The following PPARGC1A variants were observed in gnomAD, a reference collection of about 807,000 sequenced individuals.
PPARGC1A encodes the protein PPARG coactivator 1 alpha, also known as peroxisome proliferator-activated receptor gamma coactivator 1-alpha.
Under a neutral mutation model 88.7 loss-of-function variants are expected in PPARGC1A, and 25 were observed. The ratio of observed to expected loss-of-function variants is 0.28; its 90% CI spans 0.21 to 0.39. PPARGC1A has a LOEUF of 0.39. Ranked by LOEUF, PPARGC1A falls within the 10% of genes least tolerant of loss-of-function variation. The pLI, the probability that PPARGC1A is intolerant of heterozygous loss-of-function variation, is 1.00. For synonymous variants in PPARGC1A, 363 were observed against 355.6 expected (o/e 1.02, Z -0.24); for missense variants, 880 against 968.7 (o/e 0.91, Z 1.22).
chr4:24,041,132 A>C, the PPARGC1A span, among the ~76,000 whole-genome samples: 20 of 152,228 alleles, frequency 1.3e-4, no homozygotes. Flanking sequence ...TCTATGCTTC[A>C]CCCTTCTCTA....
intron 8 of PPARGC1A, 109 bp from the exon 9 acceptor site, chr4:23,813,234 T>G: frequency 1.1e-6 from 1 of 909,498 alleles, no homozygotes; most frequent in Non-Finnish European, 1.8e-6. Context: ...GACTGGCTTT[T>G]TCTTCCCAGC....
chr4:24,123,180 C>T, the PPARGC1A span, among the ~76,000 whole-genome samples: 1 of 152,210 alleles, frequency 6.6e-6, no homozygotes, highest in Non-Finnish European at 1.5e-5. Context: ...ATCACTGCAG[C>T]TATCCCTGAA....
chr4:24,039,693 C>A, the PPARGC1A span, among the ~76,000 whole-genome samples: 8 of 152,144 alleles, frequency 5.3e-5, no homozygotes, highest in Non-Finnish European at 8.8e-5. Flanking sequence ...AACCTCATTT[C>A]TTCCTCTATT....
At chr4:23,843,533 G>A (rs1727444866) in intron 2 of PPARGC1A, among the ~76,000 whole-genome samples, 1 of 151,928 alleles carries the variant, frequency 6.6e-6, no homozygotes, top group Non-Finnish European at 1.5e-5. Context: ...TCATTTTCAT[G>A]CACTAAATTG....
At chr4:24,070,070 A>C in the PPARGC1A span, among the ~76,000 whole-genome samples, 2 of 152,180 alleles carry the variant, frequency 1.3e-5, no homozygotes, top group African/African-American at 2.4e-5. Context: ...TTCTACCTCA[A>C]AAGCATGCCA....
chr4:24,013,077 C>A, the PPARGC1A span, among the ~76,000 whole-genome samples: 1 of 152,088 alleles, frequency 6.6e-6, no homozygotes, highest in East Asian at 1.9e-4. Context: ...TCATTTAGCC[C>A]CTCCCTAGTT....
chr4:23,876,313 C>T (rs564474965), intron 2 of PPARGC1A, among the ~76,000 whole-genome samples: 2 of 152,212 alleles, frequency 1.3e-5, no homozygotes, highest in Non-Finnish European at 2.9e-5. Flanking sequence ...CATACCCAAA[C>T]TGCTTCCATA....
chr4:23,923,980 T>G, the PPARGC1A span, among the ~76,000 whole-genome samples: 434 of 152,300 alleles, frequency 2.8e-3, 8 homozygotes, highest in East Asian at 0.069. Flanking sequence ...CTCTTTCCTA[T>G]GGAGAGATGC....
the PPARGC1A span, among the ~76,000 whole-genome samples, chr4:24,256,429 T>A: frequency 3.9e-5 from 6 of 152,194 alleles, no homozygotes; most frequent in African/African-American, 1.2e-4. Flanking sequence ...TAAATTCTCT[T>A]CAGCCCAATG....
chr4:23,930,668 C>T, the PPARGC1A span, among the ~76,000 whole-genome samples: 11 of 152,096 alleles, frequency 7.2e-5, no homozygotes, highest in African/African-American at 2.7e-4. Flanking sequence ...CCAGTAGCAC[C>T]CTTCAGGGTT....
the PPARGC1A span, among the ~76,000 whole-genome samples, chr4:24,263,618 C>G: frequency 6.6e-6 from 1 of 152,114 alleles, no homozygotes. Context: ...CCACTTCTGC[C>G]GTACCTGAGA....
chr4:23,982,733 T>C, the PPARGC1A span, among the ~76,000 whole-genome samples: 1 of 152,178 alleles, frequency 6.6e-6, no homozygotes, highest in Non-Finnish European at 1.5e-5. Flanking sequence ...TAAGTTTTTG[T>C]TTTCTCATCT....
At chr4:23,852,098 G>A (rs1029016787) in intron 2 of PPARGC1A, among the ~76,000 whole-genome samples, 2 of 152,030 alleles carry the variant, frequency 1.3e-5, no homozygotes, top group African/African-American at 4.8e-5. Context: ...TAAATATTCT[G>A]TTCCATTACA....
At chr4:23,963,785 T>C in the PPARGC1A span, among the ~76,000 whole-genome samples, 1 of 152,176 alleles carries the variant, frequency 6.6e-6, no homozygotes, top group Admixed American at 6.5e-5. Flanking sequence ...CTGCAGTAGA[T>C]CCTGGGTGCT....
the PPARGC1A span, among the ~76,000 whole-genome samples, chr4:23,922,249 C>T: frequency 6.6e-6 from 1 of 152,148 alleles, no homozygotes; most frequent in Non-Finnish European, 1.5e-5. Context: ...GGGGCAAAGT[C>T]TATTGCTTAG....
At chr4:23,952,980 T>C in the PPARGC1A span, among the ~76,000 whole-genome samples, 1 of 152,072 alleles carries the variant, frequency 6.6e-6, no homozygotes, top group South Asian at 2.1e-4. Context: ...ATATTACTAC[T>C]ATAATGCATT....
chr4:23,800,143 T>C (rs894394573), intron 12 of PPARGC1A, among the ~76,000 whole-genome samples: 3 of 152,156 alleles, frequency 2.0e-5, no homozygotes, highest in Non-Finnish European at 4.4e-5. Flanking sequence ...AAAAAATCCC[T>C]GTATTTGTAT....
At chr4:23,902,445 C>T (rs1719521292), upstream of PPARGC1A, among the ~76,000 whole-genome samples, 1 of 152,182 alleles carries the variant, frequency 6.6e-6, no homozygotes, top group Non-Finnish European at 1.5e-5. Context: ...CCTGCATGGC[C>T]CTGTATTGAA....
chr4:23,982,899 AG>A, the PPARGC1A span, among the ~76,000 whole-genome samples: 1 of 152,186 alleles, frequency 6.6e-6, no homozygotes, highest in African/African-American at 2.4e-5. Flanking sequence ...GGCAAACTAC[AG>A]CCCATGGGCC....
Sources: gnomAD v4.1 joint callset for allele counts (sites outside exome capture counted in the v4.1 genomes callset) on GRCh38, gnomAD v4.1.1 for gene constraint, MANE v1.5 for transcripts, NCBI Gene and HGNC (gene_info 2026-07-23, HGNC 2026-07-21) for gene names.